CLSTN2: variants seen among roughly 807,000 people sequenced by gnomAD.
The protein encoded by CLSTN2 is calsyntenin-2.
CLSTN2 carries 48 observed loss-of-function variants against 101.2 expected under a neutral mutation model. The ratio of observed to expected loss-of-function variants is 0.47; its 90% confidence interval spans 0.38 to 0.60. CLSTN2 has a LOEUF of 0.60. CLSTN2 is among the 20% of genes least tolerant of loss of function. The pLI, the probability that CLSTN2 is intolerant of heterozygous loss-of-function variation, is 0.00. For missense variants in CLSTN2, 1,160 were observed against 1,238.2 expected, an observed-to-expected ratio of 0.94 and a Z score of 0.95; for synonymous variants, 481 against 463.6, an observed-to-expected ratio of 1.04 and a Z score of -0.48.
intron 1 of CLSTN2, among the ~76,000 whole-genome samples, chr3:139,963,006 A>ATAT (rs71146202): frequency 0.18 from 27,674 of 151,590 alleles, 3,134 homozygotes; most frequent in Admixed American, 0.31. Flanking sequence ...CATTGATTTA[A>ATAT]TATTATTATT....
chr3:140,375,570 C>G (rs4638925), intron 2 of CLSTN2, among the ~76,000 whole-genome samples: 1 of 152,174 alleles, frequency 6.6e-6, no homozygotes, highest in Admixed American at 6.5e-5. Flanking sequence ...ATCCGCTTTG[C>G]TCTTTTGTTT....
intron 9 of CLSTN2, among the ~76,000 whole-genome samples, chr3:140,538,493 C>T (rs1935403289): frequency 6.6e-6 from 1 of 152,092 alleles, no homozygotes; most frequent in Non-Finnish European, 1.5e-5. Context: ...AGAAATAACC[C>T]CTGAGAGTTG....
intron 8 of CLSTN2, among the ~76,000 whole-genome samples, chr3:140,502,707 G>A (rs1229033918): frequency 6.6e-6 from 1 of 152,190 alleles, no homozygotes; most frequent in African/African-American, 2.4e-5. Flanking sequence ...TTGGTCGGGA[G>A]AAGTGGAAGA....
intron 1 of CLSTN2, among the ~76,000 whole-genome samples, chr3:139,963,891 G>A (rs1038392742): frequency 1.3e-5 from 2 of 152,190 alleles, no homozygotes; most frequent in Admixed American, 6.5e-5. Flanking sequence ...TAGGAGCATA[G>A]CCTATGCTGT....
chr3:140,116,929 C>T (rs1279276793), intron 1 of CLSTN2, among the ~76,000 whole-genome samples: 1 of 152,126 alleles, frequency 6.6e-6, no homozygotes, highest in Admixed American at 6.6e-5. Context: ...CCAGAATGTA[C>T]CATTTTACCT....
intron 5 of CLSTN2, among the ~76,000 whole-genome samples, chr3:140,436,725 G>A (rs1029706695): frequency 2.2e-4 from 34 of 152,348 alleles, no homozygotes; most frequent in African/African-American, 7.9e-4. Flanking sequence ...CGGAGAACCT[G>A]TCTGGGGCCT....
intron 1 of CLSTN2, among the ~76,000 whole-genome samples, chr3:140,163,337 G>C (rs1230605180): frequency 6.6e-6 from 1 of 151,748 alleles, no homozygotes; most frequent in African/African-American, 2.4e-5. Flanking sequence ...TGGGTTTTCA[G>C]CCTGCAGGCC....
At chr3:140,307,093 C>A (rs1424110106) in intron 2 of CLSTN2, among the ~76,000 whole-genome samples, 1 of 152,008 alleles carries the variant, frequency 6.6e-6, no homozygotes, top group African/African-American at 2.4e-5. Flanking sequence ...CCTGCACAAG[C>A]TCTCTCTCTT....
At chr3:140,265,868 C>G (rs563890428) in intron 2 of CLSTN2, among the ~76,000 whole-genome samples, 1 of 152,144 alleles carries the variant, frequency 6.6e-6, no homozygotes, top group African/African-American at 2.4e-5. Flanking sequence ...GAGTCTTCCT[C>G]TTGTGATATG....
chr3:140,481,732 T>G (rs1237417130), intron 8 of CLSTN2, among the ~76,000 whole-genome samples: 1 of 152,212 alleles, frequency 6.6e-6, no homozygotes, highest in Non-Finnish European at 1.5e-5. Flanking sequence ...AGTTCACTCA[T>G]TATTTGGCTC....
intron 1 of CLSTN2, among the ~76,000 whole-genome samples, chr3:140,062,744 G>A (rs2008228339): frequency 6.6e-6 from 1 of 152,108 alleles, no homozygotes; most frequent in Admixed American, 6.5e-5. Flanking sequence ...GGGAAAACTT[G>A]GGTTCTTGTC....
chr3:140,424,663 C>T (rs1559865892), intron 5 of CLSTN2, among the ~76,000 whole-genome samples: 2 of 152,194 alleles, frequency 1.3e-5, no homozygotes, highest in Non-Finnish European at 1.5e-5. Flanking sequence ...ATGCAGACTG[C>T]CCCTTACTGT....
At chr3:140,289,745 GC>G (rs1468201965) in intron 2 of CLSTN2, among the ~76,000 whole-genome samples, 1 of 152,030 alleles carries the variant, frequency 6.6e-6, no homozygotes, top group East Asian at 1.9e-4. Context: ...AGTAATTGCT[GC>G]CTTTCTAAAA....
chr3:140,046,822 G>C (rs1436513795), intron 1 of CLSTN2, among the ~76,000 whole-genome samples: 1 of 152,012 alleles, frequency 6.6e-6, no homozygotes, highest in East Asian at 1.9e-4. Flanking sequence ...GGCATCCCTG[G>C]CTTACCTCTG....
At chr3:140,057,857 A>G (rs2008124957) in intron 1 of CLSTN2, among the ~76,000 whole-genome samples, 1 of 152,248 alleles carries the variant, frequency 6.6e-6, no homozygotes, top group Admixed American at 6.5e-5. Context: ...AACTAGGTTA[A>G]CATTAGAGAT....
intron 1 of CLSTN2, among the ~76,000 whole-genome samples, chr3:140,100,649 C>G (rs1333041056): frequency 6.6e-6 from 1 of 152,260 alleles, no homozygotes; most frequent in Admixed American, 6.5e-5. Context: ...ACACAGCCCA[C>G]TGAGGATCCA....
At chr3:140,076,856 C>A (rs539671439) in intron 1 of CLSTN2, among the ~76,000 whole-genome samples, 1 of 152,108 alleles carries the variant, frequency 6.6e-6, no homozygotes, top group Non-Finnish European at 1.5e-5. Context: ...GGTGAGAACA[C>A]CATGAAAAGG....
At chr3:140,332,787 G>A (rs1193783660) in intron 2 of CLSTN2, among the ~76,000 whole-genome samples, 6 of 152,054 alleles carry the variant, frequency 3.9e-5, no homozygotes, top group Admixed American at 3.3e-4. Context: ...GTAAGAATAG[G>A]AGAGTCAGTT....
At chr3:140,156,926 A>G (rs1371504499) in intron 1 of CLSTN2, among the ~76,000 whole-genome samples, 2 of 152,020 alleles carry the variant, frequency 1.3e-5, no homozygotes, top group African/African-American at 4.8e-5. Flanking sequence ...TGCCTCTCGG[A>G]GGACCTGGAC....
Sources: allele counts gnomAD v4.1 joint callset (sites outside exome capture counted in the v4.1 genomes callset), GRCh38; gene constraint gnomAD v4.1.1; transcripts MANE v1.5; gene names NCBI Gene and HGNC (gene_info 2026-07-23, HGNC 2026-07-21).